The following CLPB variants were observed in gnomAD, a reference collection of about 807,000 sequenced individuals.
CLPB encodes ClpB family mitochondrial disaggregase.
Under a neutral mutation model 78.4 loss-of-function variants are expected in CLPB, and 40 were observed. That is an observed-to-expected ratio of 0.51 (90% CI 0.40 to 0.66). The LOEUF (loss-of-function observed/expected upper bound fraction) is 0.66. CLPB is among the 30% of genes least tolerant of loss of function. CLPB has a pLI of 0.00. For missense variants in CLPB, 780 were observed against 886.9 expected, an observed-to-expected ratio of 0.88 and a Z score of 1.53; for synonymous variants, 333 against 348.0, an observed-to-expected ratio of 0.96 and a Z score of 0.48.
At chr11:72,404,016 G>A (rs117233738) in intron 2 of CLPB, among the ~76,000 whole-genome samples, 2 of 152,292 alleles carry the variant, frequency 1.3e-5, no homozygotes, top group East Asian at 3.9e-4. Context: ...GGCTCACTGA[G>A]GTGAAATGAC....
rs1012749557 is a variant in CLPB, at chr11:72,286,829, G to C, written c.*6538C>G. 1 of 148,382 alleles carries C rather than the reference G, an allele frequency of 6.7e-6. No homozygotes were observed. The highest frequency in any genetic ancestry group is 1.5e-5 in the Non-Finnish European group (1 of 67,502). 9.2% of individuals were successfully genotyped at this position (148,382 alleles called of 1,614,324 possible). A position where few individuals can be genotyped will look rare whatever the true frequency, so the allele number is the denominator to read the frequency against. ...TGTGTGTGTGTGTGTGTGTGTGTGT[G>C]TGTAGTTATCTGAAATACTGGCAAA... On this transcript the variant is annotated 3_prime_UTR_variant, in exon 16 of 16. Coordinates refer to ENST00000538039, the MANE Select transcript of CLPB (RefSeq NM_001258392.3).
intron 2 of CLPB, among the ~76,000 whole-genome samples, chr11:72,420,443 G>A (rs1856159927): frequency 6.6e-6 from 1 of 152,102 alleles, no homozygotes; most frequent in African/African-American, 2.4e-5. Flanking sequence ...GCAGTGAGCC[G>A]AGATTGTGCC....
rs746972083 is a variant in CLPB at position 72,358,867 on chromosome 11, C to T, written c.775+13G>A. ...CTTCCCCCACCCCACCCCTCCTCCA[C>T]CTCTGCTCTCACCTCCATCAAGCAG... On this transcript the variant is annotated intron_variant, in intron 5 of 15. Transcript: ENST00000538039. 7.7e-6 allele frequency: 12 copies of T among 1,562,464 alleles called. No individual in the cohort carries two copies. Among genetic ancestry groups the T allele is most frequent in the South Asian group, 1.1e-5 (1 of 88,632 alleles).
intron 6 of CLPB, among the ~76,000 whole-genome samples, chr11:72,327,619 C>T (rs1950153655): frequency 6.6e-6 from 1 of 152,200 alleles, no homozygotes; most frequent in African/African-American, 2.4e-5. Flanking sequence ...AGTACCTGCT[C>T]TATGTCACAC....
chr11:72,337,508 TG>T, intron 5 of CLPB, among the ~76,000 whole-genome samples: 1 of 152,186 alleles, frequency 6.6e-6, no homozygotes, highest in East Asian at 1.9e-4. Context: ...TTATATACAG[TG>T]TCTGAATTAT....
Position 72,294,029 on chromosome 11 carries a change from T to C in CLPB, c.1778A>G (p.Lys593Arg). 4 of 1,613,776 alleles carry C rather than the reference T, an allele frequency of 2.5e-6. No homozygotes were observed. The highest frequency in any genetic ancestry group is 3.4e-6 in the Non-Finnish European group (4 of 1,179,822). The change falls in exon 15 of 16, where the codon AAA becomes AGA. Residue 593 changes from lysine to arginine, a missense_variant. Transcript: ENST00000538039. ...TCAGGCTCCTGTGCTCACCTCATGTTTGATGGAGCGGGCGCCATAGTGCAC... is the reference window on the plus strand; with the variant it reads ...TCAGGCTCCTGTGCTCACCTCATGTCTGATGGAGCGGGCGCCATAGTGCAC... ...YNVHYGARSIKHEVERRVVNQ... is the reference protein window; with the variant it reads ...YNVHYGARSIRHEVERRVVNQ...
At chr11:72,420,012 A>G (rs1565096624) in intron 2 of CLPB, among the ~76,000 whole-genome samples, 1 of 152,172 alleles carries the variant, frequency 6.6e-6, no homozygotes, top group Non-Finnish European at 1.5e-5. Context: ...GTTTATTATG[A>G]CTGTAATAGC....
At chr11:72,330,473 T>C (rs781323105) in intron 5 of CLPB, among the ~76,000 whole-genome samples, 4 of 152,350 alleles carry the variant, frequency 2.6e-5, no homozygotes, top group Non-Finnish European at 5.9e-5. Flanking sequence ...CTTGGGGCCA[T>C]GTATCTACCT....
At chr11:72,401,771 T>C (rs990559699) in intron 3 of CLPB, among the ~76,000 whole-genome samples, 3 of 152,272 alleles carry the variant, frequency 2.0e-5, no homozygotes, top group Non-Finnish European at 4.4e-5. Flanking sequence ...CCCACTCTGC[T>C]TTCTTTGAAA....
intron 3 of CLPB, among the ~76,000 whole-genome samples, chr11:72,401,338 G>C (rs1346161106): frequency 6.6e-6 from 1 of 152,180 alleles, no homozygotes; most frequent in Non-Finnish European, 1.5e-5. Context: ...CTACTCGGGA[G>C]GCTGAGGCAG....
intron 2 of CLPB, among the ~76,000 whole-genome samples, chr11:72,407,446 T>C (rs550982456): frequency 5.8e-4 from 89 of 152,346 alleles, no homozygotes; most frequent in Non-Finnish European, 1.2e-3. Context: ...GTTATACGCA[T>C]GTTTGCATTT....
At chr11:72,365,936 A>G (rs1950934190) in intron 4 of CLPB, among the ~76,000 whole-genome samples, 1 of 152,220 alleles carries the variant, frequency 6.6e-6, no homozygotes. Flanking sequence ...TAAGTGTAAA[A>G]CCTAAAACTA....
chr11:72,314,514 C>T (rs755801094), intron 7 of CLPB, among the ~76,000 whole-genome samples: 2 of 152,092 alleles, frequency 1.3e-5, no homozygotes, highest in African/African-American at 2.4e-5. Context: ...CCCATGAGGG[C>T]CTGGGCTCTG....
At chr11:72,383,256 G>T (rs1854971174) in intron 3 of CLPB, among the ~76,000 whole-genome samples, 1 of 151,952 alleles carries the variant, frequency 6.6e-6, no homozygotes, top group South Asian at 2.1e-4. Context: ...TGGGTGCGGT[G>T]GCTCGCACCT....
chr11:72,384,019 T>C (rs538731135), intron 3 of CLPB, among the ~76,000 whole-genome samples: 1 of 152,194 alleles, frequency 6.6e-6, no homozygotes, highest in South Asian at 2.1e-4. Flanking sequence ...CCAGGCGTGG[T>C]GTCACATGCC....
chr11:72,301,768 G>A, intron 11 of CLPB, 35 bp downstream of exon 11: 1 of 1,599,942 alleles, frequency 6.3e-7, no homozygotes, highest in Non-Finnish European at 8.5e-7. Flanking sequence ...ATCTCCAGGT[G>A]TCCCCCCGCT....
In CLPB at chr11:72,291,456, C is replaced by G. The variant is rs1949450616; in HGVS notation, c.*1911G>C. ...CCAAGTAGCTGGGATTACAGGTGGG[C>G]ACCAGCGGGCCTGGCTAATTTTTGT... On this transcript the variant is annotated 3_prime_UTR_variant, in exon 16 of 16. Coordinates refer to ENST00000538039, the MANE Select transcript of CLPB (RefSeq NM_001258392.3). 2 of 152,152 alleles carry G rather than the reference C, an allele frequency of 1.3e-5. No homozygotes were observed. The highest frequency in any genetic ancestry group is 4.8e-5 in the African/African-American group (2 of 41,524). 9.4% of individuals were successfully genotyped at this position (152,152 alleles called of 1,614,324 possible).
chr11:72,380,851 C>G (rs958550066), intron 3 of CLPB, among the ~76,000 whole-genome samples: 2 of 152,158 alleles, frequency 1.3e-5, no homozygotes, highest in Non-Finnish European at 2.9e-5. Context: ...TCTGTGACCT[C>G]AAGAAGCTAG....
Position 72,317,119 on chromosome 11 carries a change from G to A in CLPB, c.975C>T (p.Ala325=), listed in dbSNP as rs1225201825. 3 of 1,610,528 alleles carry A rather than the reference G, an allele frequency of 1.9e-6. No individual in the cohort carries two copies. Among genetic ancestry groups the A allele is most frequent in the South Asian group, 2.2e-5 (2 of 90,626 alleles). ...EHIIGQESAI[A]TVGAAIRRKE... is the part of the protein sequence containing the mutation. ...CCACACACTCACCAGCACCCACTGT[G>A]GCGATGGCGCTCTCCTGGCCAATGA... Residue 325 remains alanine, a synonymous_variant, in exon 7 of 16, where the codon GCC becomes GCT. Transcript: ENST00000538039.
Sources: allele counts gnomAD v4.1 joint callset (sites outside exome capture counted in the v4.1 genomes callset), GRCh38; gene constraint gnomAD v4.1.1; transcripts MANE v1.5; gene names NCBI Gene and HGNC (gene_info 2026-07-23, HGNC 2026-07-21).